Variants in FHIT observed in about 807,000 individuals in gnomAD.
FHIT encodes the protein fragile histidine triad diadenosine triphosphatase, also known as bis(5'-adenosyl)-triphosphatase.
Under a neutral mutation model 17.9 loss-of-function variants are expected in FHIT, and 19 were observed. The ratio of observed to expected loss-of-function variants is 1.06; its 90% CI spans 0.74 to 1.56. The LOEUF (loss-of-function observed/expected upper bound fraction) is 1.56. FHIT is among the 40% of genes most tolerant of loss of function. The probability of loss-of-function intolerance (pLI) is 0.00; values close to 1 mark genes in which losing one functional copy is unlikely to be tolerated. For synonymous variants in FHIT, 81 were observed against 69.7 expected (o/e 1.16, Z -0.81); for missense variants, 248 against 189.2 (o/e 1.31, Z -1.82).
intron 5 of FHIT, among the ~76,000 whole-genome samples, chr3:60,474,802 T>C (rs908231041): frequency 2.0e-5 from 3 of 152,068 alleles, no homozygotes; most frequent in African/African-American, 7.2e-5. Context: ...TTTGTATTTT[T>C]AGTAGAGACG....
chr3:60,469,974 T>C lies in FHIT; in HGVS notation c.103+66886A>G, dbSNP rs181220204. The stretch of plus-strand genomic sequence containing the variant: ...ATTCCCTGGATTACCAGGCAGAGAC[T>C]CTTGTTCTCATCCCTTACTTCCCTC... On this transcript the variant is annotated intron_variant, in intron 5 of 9. Coordinates refer to ENST00000492590, the MANE Select transcript of FHIT (RefSeq NM_002012.4). Among the ~76,000 whole-genome samples the C allele has an allele frequency of 1.9e-4, 29 of 151,974 alleles. No individual in the cohort carries two copies. In the East Asian group the frequency reaches 4.9e-3, roughly 26 times the overall value.
chr3:60,377,627 G>A (rs369741084), intron 5 of FHIT, among the ~76,000 whole-genome samples: 15 of 148,858 alleles, frequency 1.0e-4, no homozygotes, highest in East Asian at 4.0e-4. Flanking sequence ...GACTACAGGC[G>A]CCCGCCACCG....
chr3:59,789,665 G>A (rs6788207), intron 8 of FHIT, among the ~76,000 whole-genome samples: 1 of 152,188 alleles, frequency 6.6e-6, no homozygotes, highest in Non-Finnish European at 1.5e-5. Flanking sequence ...TGTCTGAATT[G>A]TTTTTCTAGT....
intron 3 of FHIT, among the ~76,000 whole-genome samples, chr3:60,838,889 C>A (rs1702623571): frequency 6.6e-6 from 1 of 152,076 alleles, no homozygotes; most frequent in South Asian, 2.1e-4. Flanking sequence ...TCAGTGAAAA[C>A]TTCTCAGAGA....
chr3:61,188,501 G>T (rs1220136841), intron 2 of FHIT, among the ~76,000 whole-genome samples: 2 of 152,150 alleles, frequency 1.3e-5, no homozygotes. Flanking sequence ...TCTACCAGAG[G>T]TACAAGGAGG....
At chr3:60,579,946 T>C (rs2037699554) in intron 4 of FHIT, among the ~76,000 whole-genome samples, 1 of 151,984 alleles carries the variant, frequency 6.6e-6, no homozygotes, top group South Asian at 2.1e-4. Flanking sequence ...GGAGCATGAG[T>C]CATTTGAGTA....
At chr3:59,868,062 A>C (rs1006559493) in intron 8 of FHIT, among the ~76,000 whole-genome samples, 3 of 151,682 alleles carry the variant, frequency 2.0e-5, no homozygotes, top group African/African-American at 4.8e-5. Flanking sequence ...AAAAAAAAAA[A>C]AAAACCTTTC....
At chr3:60,255,913 C>T (rs1222226190) in intron 5 of FHIT, among the ~76,000 whole-genome samples, 1 of 152,150 alleles carries the variant, frequency 6.6e-6, no homozygotes, top group South Asian at 2.1e-4. Context: ...AGTGCTATGG[C>T]TTATTTCATG....
intron 5 of FHIT, among the ~76,000 whole-genome samples, chr3:60,122,338 A>G (rs4289309): frequency 0.15 from 22,967 of 152,180 alleles, 1,842 homozygotes; most frequent in South Asian, 0.21. Flanking sequence ...GGGAAATGTA[A>G]AACAAATTTG....
intron 5 of FHIT, among the ~76,000 whole-genome samples, chr3:60,244,568 C>G (rs1306118022): frequency 2.0e-5 from 3 of 151,904 alleles, no homozygotes; most frequent in Non-Finnish European, 2.9e-5. Context: ...CAAATGACAC[C>G]GCCTAAACAA....
intron 5 of FHIT, among the ~76,000 whole-genome samples, chr3:60,397,468 C>T (rs888576379): frequency 1.3e-5 from 2 of 152,156 alleles, no homozygotes; most frequent in Non-Finnish European, 2.9e-5. Flanking sequence ...GAAAGTCTCA[C>T]ATGTAAAAGG....
At chr3:60,448,074 T>G (rs2031467155) in intron 5 of FHIT, among the ~76,000 whole-genome samples, 1 of 152,174 alleles carries the variant, frequency 6.6e-6, no homozygotes, top group African/African-American at 2.4e-5. Flanking sequence ...CTCAAGAACG[T>G]AGCAGAAGCC....
intron 3 of FHIT, among the ~76,000 whole-genome samples, chr3:60,988,071 T>G (rs1430778607): frequency 2.0e-5 from 3 of 152,226 alleles, no homozygotes; most frequent in Non-Finnish European, 4.4e-5. Flanking sequence ...AATGTCACCT[T>G]GTACTATCAA....
At chr3:59,991,373 G>A (rs913084354) in intron 7 of FHIT, among the ~76,000 whole-genome samples, 1 of 152,014 alleles carries the variant, frequency 6.6e-6, no homozygotes, top group African/African-American at 2.4e-5. Context: ...TGCTGTGTGT[G>A]TTTGACTTGT....
rs182265052 is a variant in FHIT at position 59,853,520 on chromosome 3, A to G, written c.348+68826T>C. On this transcript the variant is annotated intron_variant, in intron 8 of 9. Transcript: ENST00000492590. ...AAGTGTAATCTTCAGTCAATAAAAT[A>G]TCCACTAAATACTTCAAAATATGAA... Among the ~76,000 whole-genome samples the G allele has an allele frequency of 4.7e-4, 72 of 152,358 alleles. 1 individual carries two copies. The highest frequency in any genetic ancestry group is 1.6e-3 in the African/African-American group (66 of 41,586).
chr3:60,053,415 T>C (rs1701961832), intron 5 of FHIT, among the ~76,000 whole-genome samples: 1 of 149,424 alleles, frequency 6.7e-6, no homozygotes. Flanking sequence ...CTCAACAAAT[T>C]TTTATCATAT....
chr3:60,464,274 G>C (rs1316591775), intron 5 of FHIT, among the ~76,000 whole-genome samples: 2 of 152,074 alleles, frequency 1.3e-5, no homozygotes, highest in Non-Finnish European at 2.9e-5. Context: ...TGGGGTACAA[G>C]GGATATTTTG....
At chr3:59,921,728 A>T (rs564266539) in intron 8 of FHIT, among the ~76,000 whole-genome samples, 9 of 152,232 alleles carry the variant, frequency 5.9e-5, no homozygotes, top group Non-Finnish European at 1.3e-4. Context: ...GAAAGTTCTC[A>T]TGTAGACAGG....
chr3:60,701,694 C>T (rs1336919501), intron 4 of FHIT, among the ~76,000 whole-genome samples: 1 of 152,070 alleles, frequency 6.6e-6, no homozygotes, highest in Non-Finnish European at 1.5e-5. Flanking sequence ...CCCTGTGGAG[C>T]GATTTGGGAG....
Sources: gnomAD v4.1 joint callset for allele counts (sites outside exome capture counted in the v4.1 genomes callset) on GRCh38, gnomAD v4.1.1 for gene constraint, MANE v1.5 for transcripts, NCBI Gene and HGNC (gene_info 2026-07-23, HGNC 2026-07-21) for gene names.